Variants in GALNTL6 observed in about 807,000 individuals in gnomAD.
The protein encoded by GALNTL6 is polypeptide N-acetylgalactosaminyltransferase like 6.
GALNTL6 carries 46 observed loss-of-function variants against 73.7 expected under a neutral mutation model. That is an observed-to-expected ratio of 0.62 (90% CI 0.49 to 0.80). GALNTL6 has a LOEUF of 0.80. Ranked by LOEUF, GALNTL6 falls within the 30% of genes least tolerant of loss-of-function variation. The pLI is 0.00. For missense variants in GALNTL6, 604 were observed against 755.0 expected (o/e 0.80, Z 2.34); for synonymous variants, 259 against 263.7 (o/e 0.98, Z 0.17).
At chr4:172,459,874 CAT>C (rs1457893971) in intron 5 of GALNTL6, among the ~76,000 whole-genome samples, 1 of 152,150 alleles carries the variant, frequency 6.6e-6, no homozygotes, top group African/African-American at 2.4e-5. Flanking sequence ...CTTTAAATTT[CAT>C]ATGAGACCAA....
chr4:172,517,563 TA>T, intron 5 of GALNTL6, among the ~76,000 whole-genome samples: 1 of 152,120 alleles, frequency 6.6e-6, no homozygotes, highest in South Asian at 2.1e-4. Context: ...CTATTGTCAG[TA>T]AGTGCTTTTA....
At chr4:172,411,767 G>A (rs573399226) in intron 5 of GALNTL6, among the ~76,000 whole-genome samples, 143 of 152,162 alleles carry the variant, frequency 9.4e-4, no homozygotes, top group African/African-American at 3.3e-3. Context: ...TTGAGAAAAT[G>A]TATACAGCAT....
intron 5 of GALNTL6, among the ~76,000 whole-genome samples, chr4:172,547,928 C>G (rs1735830596): frequency 6.6e-6 from 1 of 152,104 alleles, no homozygotes; most frequent in South Asian, 2.1e-4. Context: ...AGTAAAGAGC[C>G]CCAGTGGTAG....
chr4:172,323,399 G>T (rs192504973), intron 4 of GALNTL6, among the ~76,000 whole-genome samples: 1 of 152,174 alleles, frequency 6.6e-6, no homozygotes, highest in African/African-American at 2.4e-5. Flanking sequence ...AATTGAATAC[G>T]CTGACATTAA....
intron 2 of GALNTL6, among the ~76,000 whole-genome samples, chr4:171,971,041 T>C (rs894841149): frequency 2.0e-5 from 3 of 152,206 alleles, no homozygotes; most frequent in African/African-American, 4.8e-5. Flanking sequence ...AATAAGCTCC[T>C]GCATGGAGGA....
chr4:172,732,604 T>G (rs1352622576), intron 5 of GALNTL6, among the ~76,000 whole-genome samples: 1 of 152,212 alleles, frequency 6.6e-6, no homozygotes, highest in East Asian at 1.9e-4. Flanking sequence ...TCTCTTCTTT[T>G]CTTCCTTTCT....
intron 10 of GALNTL6, among the ~76,000 whole-genome samples, chr4:172,958,234 T>A (rs1749854495): frequency 6.6e-6 from 1 of 152,214 alleles, no homozygotes; most frequent in Admixed American, 6.5e-5. Flanking sequence ...TAGGGCAGCA[T>A]CAGCCGCTGC....
At chr4:172,935,975 C>CA (rs1196343291) in intron 9 of GALNTL6, among the ~76,000 whole-genome samples, 1 of 151,996 alleles carries the variant, frequency 6.6e-6, no homozygotes, top group South Asian at 2.1e-4. Context: ...AGAGACACCA[C>CA]AAAAAAAGAA....
chr4:172,381,837 T>C (rs1743295663), intron 5 of GALNTL6, among the ~76,000 whole-genome samples: 1 of 152,220 alleles, frequency 6.6e-6, no homozygotes, highest in Admixed American at 6.5e-5. Flanking sequence ...GAAAATCATT[T>C]TATTTATGAT....
At chr4:171,876,297 G>T (rs1307063867) in intron 2 of GALNTL6, among the ~76,000 whole-genome samples, 2 of 152,020 alleles carry the variant, frequency 1.3e-5, no homozygotes, top group Non-Finnish European at 2.9e-5. Flanking sequence ...CTTAATTAAC[G>T]ACACTATAAT....
At chr4:171,980,063 G>A (rs1046991725) in intron 2 of GALNTL6, among the ~76,000 whole-genome samples, 4 of 151,930 alleles carry the variant, frequency 2.6e-5, no homozygotes, top group African/African-American at 7.2e-5. Context: ...AAATTAATTA[G>A]CAATTAAATA....
At chr4:172,446,733 T>G (rs533486249) in intron 5 of GALNTL6, among the ~76,000 whole-genome samples, 1 of 152,278 alleles carries the variant, frequency 6.6e-6, no homozygotes, top group South Asian at 2.1e-4. Flanking sequence ...CTACATAGTC[T>G]TGCTCTCTGA....
intron 2 of GALNTL6, among the ~76,000 whole-genome samples, chr4:171,988,622 C>T (rs1332562109): frequency 2.6e-5 from 4 of 152,126 alleles, no homozygotes; most frequent in East Asian, 3.9e-4. Context: ...TGATAAGGCA[C>T]AGATTCTGAA....
At chr4:172,495,501 G>C (rs762985856) in intron 5 of GALNTL6, among the ~76,000 whole-genome samples, 1 of 152,152 alleles carries the variant, frequency 6.6e-6, no homozygotes, top group Non-Finnish European at 1.5e-5. Flanking sequence ...CCCCTCTGCT[G>C]TGTCTTTTGG....
intron 5 of GALNTL6, among the ~76,000 whole-genome samples, chr4:172,578,420 A>G (rs1737044238): frequency 6.6e-6 from 1 of 152,228 alleles, no homozygotes; most frequent in Non-Finnish European, 1.5e-5. Flanking sequence ...AAATGCTGAT[A>G]TGTTTATTTA....
At chr4:172,305,508 A>C (rs562042405) in intron 3 of GALNTL6, among the ~76,000 whole-genome samples, 4 of 152,192 alleles carry the variant, frequency 2.6e-5, no homozygotes, top group Non-Finnish European at 5.9e-5. Flanking sequence ...TATAAATTTT[A>C]GTGTTGAAAT....
At chr4:171,910,646 A>G (rs2110961490) in intron 2 of GALNTL6, among the ~76,000 whole-genome samples, 2 of 152,216 alleles carry the variant, frequency 1.3e-5, no homozygotes, top group East Asian at 3.9e-4. Context: ...CCTGTTCGCC[A>G]TTTTATAGAT....
At chr4:172,025,378 C>G (rs1011977569) in intron 2 of GALNTL6, among the ~76,000 whole-genome samples, 2 of 151,910 alleles carry the variant, frequency 1.3e-5, no homozygotes, top group African/African-American at 4.8e-5. Context: ...CAGAAGGAAA[C>G]AGTGACCTTG....
At chr4:172,906,328 A>G (rs1043305014) in intron 8 of GALNTL6, among the ~76,000 whole-genome samples, 2 of 152,198 alleles carry the variant, frequency 1.3e-5, no homozygotes, top group African/African-American at 4.8e-5. Context: ...GCTCAATTCT[A>G]TGCAAGTAAA....
Sources: allele counts gnomAD v4.1 joint callset (sites outside exome capture counted in the v4.1 genomes callset), GRCh38; gene constraint gnomAD v4.1.1; transcripts MANE v1.5; gene names NCBI Gene and HGNC (gene_info 2026-07-23, HGNC 2026-07-21).